The following KIF26B variants were observed in gnomAD, a reference collection of about 807,000 sequenced individuals.
KIF26B encodes the protein kinesin family member 26B.
A neutral mutation model predicts 151.2 loss-of-function variants in KIF26B; 63 were observed. That is an observed-to-expected ratio of 0.42 (90% CI 0.34 to 0.51). KIF26B has a LOEUF of 0.51. KIF26B is among the 20% of genes least tolerant of loss of function. The pLI is 0.07. For missense variants in KIF26B, 2,813 were observed against 2,913.6 expected (o/e 0.97, Z 0.79); for synonymous variants, 1,357 against 1,262.1 (o/e 1.08, Z -1.59).
rs1240308784 is a variant in KIF26B at position 245,564,182 on chromosome 1, C to T, written c.1350+23232C>T. 6.6e-6 allele frequency among the ~76,000 whole-genome samples: 1 copy of T among 152,248 alleles called. No homozygotes were observed. Among genetic ancestry groups the T allele is most frequent in the South Asian group, 2.1e-4 (1 of 4,822 alleles). The stretch of plus-strand genomic sequence containing the variant: ...CTCAATGTCCCCTAAACATTCCAGA[C>T]CCTCTTGTGACTCTGAGTCTCTGCC... On this transcript the variant is annotated intron_variant, in intron 5 of 14. Coordinates refer to ENST00000407071, the MANE Select transcript of KIF26B (RefSeq NM_018012.4). The surrounding 1 kb of genome is among the most constrained non-coding windows in gnomAD (Gnocchi z 4.6).
At chr1:245,631,816 T>C (rs12042526) in intron 9 of KIF26B, among the ~76,000 whole-genome samples, 13,818 of 152,220 alleles carry the variant, frequency 0.091, 775 homozygotes, top group Admixed American at 0.18. Flanking sequence ...AGGCTGTATG[T>C]GTCCAAGAGT....
At chr1:245,299,476 A>T (rs1369111220) in intron 2 of KIF26B, among the ~76,000 whole-genome samples, 1 of 152,198 alleles carries the variant, frequency 6.6e-6, no homozygotes, top group Non-Finnish European at 1.5e-5. Flanking sequence ...TTAATTTTAT[A>T]TCTAATGTAA....
chr1:245,165,535 C>T (rs928048762), intron 2 of KIF26B, among the ~76,000 whole-genome samples: 2 of 151,998 alleles, frequency 1.3e-5, no homozygotes, highest in Admixed American at 6.6e-5. Context: ...GGGATGTCAG[C>T]GTAGAGAAGG....
chr1:245,160,165 T>C (rs1280753633), intron 2 of KIF26B, among the ~76,000 whole-genome samples: 1 of 152,222 alleles, frequency 6.6e-6, no homozygotes, highest in South Asian at 2.1e-4. Flanking sequence ...ACTTACCTGG[T>C]GAGTAGACGT....
intron 9 of KIF26B, among the ~76,000 whole-genome samples, chr1:245,644,188 T>C (rs973511470): frequency 6.6e-5 from 10 of 152,132 alleles, no homozygotes; most frequent in East Asian, 1.9e-4. Flanking sequence ...TTGTTTTTTT[T>C]CCCTATATAT....
intron 9 of KIF26B, among the ~76,000 whole-genome samples, chr1:245,641,437 T>C (rs945198820): frequency 1.3e-5 from 2 of 152,190 alleles, no homozygotes; most frequent in Non-Finnish European, 1.5e-5. Flanking sequence ...CTTGTCTTTC[T>C]CAGTTCTCTC....
At chr1:245,677,433 A>G (rs1472563996) in intron 10 of KIF26B, among the ~76,000 whole-genome samples, 2 of 152,274 alleles carry the variant, frequency 1.3e-5, no homozygotes, top group East Asian at 3.8e-4. Context: ...AGCATCCTGC[A>G]GGACAGACCT....
chr1:245,511,069 T>C, intron 4 of KIF26B: 1 of 716,296 alleles, frequency 1.4e-6, no homozygotes, highest in Non-Finnish European at 2.6e-6. Context: ...CGTGAAGAAA[T>C]GGATTCTGCA....
intron 4 of KIF26B, among the ~76,000 whole-genome samples, chr1:245,447,128 C>T (rs998897546): frequency 1.3e-5 from 2 of 152,156 alleles, no homozygotes; most frequent in African/African-American, 4.8e-5. Context: ...GTGGGTGGAG[C>T]TGGCTCCTCT....
At chr1:245,451,468 T>C (rs976233608) in intron 4 of KIF26B, among the ~76,000 whole-genome samples, 1 of 151,972 alleles carries the variant, frequency 6.6e-6, no homozygotes, top group Non-Finnish European at 1.5e-5. Context: ...TTTTAATTTA[T>C]GAATTTATTG....
chr1:245,541,088 T>C, intron 5 of KIF26B, 138 bp downstream of exon 5: 2 of 702,980 alleles, frequency 2.8e-6, no homozygotes, highest in Non-Finnish European at 4.6e-6. Context: ...GAAATTCATT[T>C]GAAAGTCCTG....
chr1:245,465,222 C>G (rs1384011550), intron 4 of KIF26B, among the ~76,000 whole-genome samples: 1 of 152,184 alleles, frequency 6.6e-6, no homozygotes, highest in Non-Finnish European at 1.5e-5. Context: ...TCGTGATCCG[C>G]CCGCCTCGGC....
intron 2 of KIF26B, among the ~76,000 whole-genome samples, chr1:245,191,590 A>G (rs985134967): frequency 1.3e-5 from 2 of 152,208 alleles, no homozygotes; most frequent in Non-Finnish European, 2.9e-5. Context: ...GAAAATATAG[A>G]CAGGTTTGAC....
intron 2 of KIF26B, among the ~76,000 whole-genome samples, chr1:245,199,070 A>T (rs1485902510): frequency 7.1e-6 from 1 of 139,912 alleles, no homozygotes; most frequent in East Asian, 2.3e-4. Flanking sequence ...CAGATGAAGA[A>T]ACTAAGGTCC....
chr1:245,419,367 A>G (rs1658413755), intron 3 of KIF26B, among the ~76,000 whole-genome samples: 1 of 152,154 alleles, frequency 6.6e-6, no homozygotes, highest in African/African-American at 2.4e-5. Context: ...ATAATTTTAT[A>G]CCATTATTTT....
In KIF26B at chr1:245,556,357, T is replaced by G. The variant is rs530706385; in HGVS notation, c.1350+15407T>G. Among the ~76,000 whole-genome samples, 22 of 112,670 alleles carry G rather than the reference T, an allele frequency of 2.0e-4. No homozygotes were observed. The East Asian group carries it at 4.5e-3, about 23-fold the overall frequency. The allele number at this position is 112,670 out of a possible 152,430, so 73.9% of individuals were successfully genotyped here. On this transcript the variant is annotated intron_variant, in intron 5 of 14. Transcript: ENST00000407071. ...CTTCCTCCTTCCTCCCTCCTCCTCC[T>G]CCTCCTTCTTCTTCTTCCTCCTTCT...
chr1:245,699,185 G>C, intron 14 of KIF26B, 148 bp downstream of exon 14: 1 of 811,246 alleles, frequency 1.2e-6, no homozygotes. Context: ...TGCACCGAGC[G>C]AGCAGCCCTA....
At chr1:245,470,283 A>T (rs1659882117) in intron 4 of KIF26B, among the ~76,000 whole-genome samples, 2 of 152,126 alleles carry the variant, frequency 1.3e-5, no homozygotes, top group South Asian at 4.1e-4. Context: ...AGGCTGTCAC[A>T]ATCATCTAGA....
intron 4 of KIF26B, among the ~76,000 whole-genome samples, chr1:245,442,817 A>T (rs1409056743): frequency 2.1e-5 from 2 of 96,540 alleles, no homozygotes; most frequent in Non-Finnish European, 4.3e-5. Flanking sequence ...GTTCACCTAC[A>T]GCGGTCATCT....
Sources: gnomAD v4.1 joint callset for allele counts (sites outside exome capture counted in the v4.1 genomes callset) on GRCh38, gnomAD v4.1.1 for gene constraint, Gnocchi (gnomAD v3.1) non-coding constraint, MANE v1.5 for transcripts, NCBI Gene and HGNC (gene_info 2026-07-23, HGNC 2026-07-21) for gene names.